TPRG1: variants seen among roughly 807,000 people sequenced by gnomAD.
TPRG1 encodes the protein tumor protein p63-regulated gene 1 protein.
Under a neutral mutation model 29.3 loss-of-function variants are expected in TPRG1, and 29 were observed. The ratio of observed to expected loss-of-function variants is 0.99; its 90% CI spans 0.74 to 1.35. The LOEUF is 1.35. Among genes scored for constraint, TPRG1 ranks in the 40% most tolerant of loss-of-function variants. TPRG1 has a pLI of 0.00. For synonymous variants in TPRG1, 130 were observed against 116.8 expected, an observed-to-expected ratio of 1.11 and a Z score of -0.73; for missense variants, 327 against 335.0, an observed-to-expected ratio of 0.98 and a Z score of 0.19.
At chr3:189,157,753 G>A (rs895057978) in intron 5 of TPRG1, among the ~76,000 whole-genome samples, 10 of 152,168 alleles carry the variant, frequency 6.6e-5, no homozygotes, top group African/African-American at 2.4e-4. Flanking sequence ...TTTGTGGTAT[G>A]AATGCCCTCC....
intron 1 of TPRG1, among the ~76,000 whole-genome samples, chr3:189,175,386 A>G (rs1167295883): frequency 2.0e-5 from 3 of 152,340 alleles, no homozygotes; most frequent in East Asian, 1.9e-4. Context: ...CTACAGCTCA[A>G]TATAGGGCCA....
chr3:189,124,489 CTT>C (rs948593397), intron 1 of TPRG1, among the ~76,000 whole-genome samples: 7 of 151,740 alleles, frequency 4.6e-5, no homozygotes, highest in African/African-American at 9.7e-5. Context: ...AGGGCTTTCT[CTT>C]TTGTTTCACG....
chr3:189,314,893 G>A (rs1038222908), intron 5 of TPRG1, among the ~76,000 whole-genome samples: 6 of 152,154 alleles, frequency 3.9e-5, no homozygotes, highest in Non-Finnish European at 7.3e-5. Context: ...GCTAAGGTGG[G>A]AGGATTGCTT....
At chr3:189,137,296 A>ATGTGTGTG (rs10525363) in intron 3 of TPRG1, among the ~76,000 whole-genome samples, 572 of 129,888 alleles carry the variant, frequency 4.4e-3, no homozygotes, top group Non-Finnish European at 6.1e-3. Flanking sequence ...AAACCCCAAA[A>ATGTGTGTG]TGTGTGTGTG....
intron 3 of TPRG1, among the ~76,000 whole-genome samples, chr3:189,216,700 A>T (rs1342737821): frequency 6.6e-6 from 1 of 152,130 alleles, no homozygotes; most frequent in Non-Finnish European, 1.5e-5. Flanking sequence ...ATCTTCCTTC[A>T]TTTCTATACT....
rs1169563641 is a variant in TPRG1, at chr3:189,324,048, T to C, written c.*3228T>C. On this transcript the variant is annotated 3_prime_UTR_variant, in exon 6 of 6. Transcript: ENST00000345063. The stretch of plus-strand genomic sequence containing the variant: ...CCAGGACTCACTCCTCGGTGGTCAA[T>C]TGGGCCTGTTTGGAGGCCTGACCTT... 6.6e-6 allele frequency: 1 copy of C among 152,068 alleles called. No homozygotes were observed. Among genetic ancestry groups the C allele is most frequent in the Non-Finnish European group, 1.5e-5 (1 of 67,998 alleles). 9.4% of individuals were successfully genotyped at this position (152,068 alleles called of 1,614,324 possible).
At chr3:189,246,699 T>C (rs1032468452) in intron 4 of TPRG1, among the ~76,000 whole-genome samples, 1 of 152,182 alleles carries the variant, frequency 6.6e-6, no homozygotes, top group African/African-American at 2.4e-5. Context: ...TCTCCTAGTT[T>C]TTCTTTCTGA....
intron 4 of TPRG1, among the ~76,000 whole-genome samples, chr3:189,079,766 C>T (rs1049577450): frequency 2.6e-5 from 4 of 152,168 alleles, no homozygotes; most frequent in Non-Finnish European, 5.9e-5. Context: ...GCTTTCTGGA[C>T]ATAAACTCAG....
At chr3:189,122,800 G>A (rs1721984167) in intron 1 of TPRG1, among the ~76,000 whole-genome samples, 1 of 152,186 alleles carries the variant, frequency 6.6e-6, no homozygotes, top group Non-Finnish European at 1.5e-5. Context: ...CGGTAACTAT[G>A]TGAGATAAGA....
At chr3:189,101,943 T>C (rs1719254618) in intron 1 of TPRG1, among the ~76,000 whole-genome samples, 1 of 152,164 alleles carries the variant, frequency 6.6e-6, no homozygotes, top group African/African-American at 2.4e-5. Context: ...ATTGTTTTAT[T>C]TTAATTTTTT....
At chr3:189,194,342 A>T (rs1560535903) in intron 1 of TPRG1, among the ~76,000 whole-genome samples, 1 of 152,086 alleles carries the variant, frequency 6.6e-6, no homozygotes, top group Non-Finnish European at 1.5e-5. Flanking sequence ...GATCCCTTTT[A>T]TTATCAGGTC....
rs561019147 is a variant in TPRG1, at chr3:189,257,492, C to T, written c.479+18583C>T. On this transcript the variant is annotated intron_variant, in intron 4 of 5. Coordinates refer to ENST00000345063, the MANE Select transcript of TPRG1 (RefSeq NM_198485.4). Reference sequence around the variant, plus strand: ...CTGATGATTATGTGTGTTGGGGTTGCGCTTCTCGAGGAGTATCTCTGTGGT... The same window carrying T: ...CTGATGATTATGTGTGTTGGGGTTGTGCTTCTCGAGGAGTATCTCTGTGGT... 5.3e-5 allele frequency among the ~76,000 whole-genome samples: 8 copies of T among 151,994 alleles called. No individual in the cohort carries two copies. In the East Asian group the frequency reaches 9.7e-4, roughly 18 times the overall value.
upstream of TPRG1, among the ~76,000 whole-genome samples, chr3:189,099,257 A>G (rs1255364676): frequency 6.6e-6 from 1 of 152,146 alleles, no homozygotes; most frequent in African/African-American, 2.4e-5. Flanking sequence ...GGTGACCTCT[A>G]GTTGTTGATG....
At chr3:189,000,095 T>C (rs1418649963) in intron 1 of TPRG1, among the ~76,000 whole-genome samples, 1 of 152,168 alleles carries the variant, frequency 6.6e-6, no homozygotes, top group Non-Finnish European at 1.5e-5. Context: ...TCTTATTATT[T>C]CAGTTGACTT....
At chr3:189,083,878 G>T (rs1309104484) in intron 4 of TPRG1, among the ~76,000 whole-genome samples, 1 of 152,048 alleles carries the variant, frequency 6.6e-6, no homozygotes, top group African/African-American at 2.4e-5. Flanking sequence ...TCCTGTTAGG[G>T]TTATTAAAAA....
At chr3:189,270,193 GAA>G (rs558585437) in intron 4 of TPRG1, among the ~76,000 whole-genome samples, 1,732 of 135,780 alleles carry the variant, frequency 0.013, 43 homozygotes, top group African/African-American at 0.045. Flanking sequence ...GCTGAAGAGA[GAA>G]AAAAAAAAAA....
At chr3:189,214,679 T>C (rs1394099455) in intron 2 of TPRG1, among the ~76,000 whole-genome samples, 1 of 152,194 alleles carries the variant, frequency 6.6e-6, no homozygotes, top group African/African-American at 2.4e-5. Context: ...CAGAAATCTA[T>C]GTTTTAACAC....
chr3:189,175,115 T>C (rs997811835), intron 1 of TPRG1, among the ~76,000 whole-genome samples: 2 of 152,126 alleles, frequency 1.3e-5, no homozygotes, highest in Non-Finnish European at 2.9e-5. Flanking sequence ...GTATTGAAAA[T>C]GTGTACACAA....
At chr3:189,092,039 A>G (rs892788864) in intron 4 of TPRG1, among the ~76,000 whole-genome samples, 2 of 152,214 alleles carry the variant, frequency 1.3e-5, no homozygotes, top group African/African-American at 2.4e-5. Context: ...TTCTCCTGAT[A>G]TGTAGTTTTG....
Sources: allele counts gnomAD v4.1 joint callset (sites outside exome capture counted in the v4.1 genomes callset), GRCh38; gene constraint gnomAD v4.1.1; transcripts MANE v1.5; gene names NCBI Gene and HGNC (gene_info 2026-07-23, HGNC 2026-07-21).